Variants in MPDZ observed in about 807,000 individuals in gnomAD.
MPDZ encodes the protein multiple PDZ domain protein.
MPDZ carries 234 observed loss-of-function variants against 239.1 expected under a neutral mutation model. The observed-to-expected ratio is 0.98, with a 90% CI of 0.88 to 1.09. The LOEUF is 1.09. Ranked by LOEUF, MPDZ falls within the 50% of genes least tolerant of loss-of-function variation. The pLI, the probability that MPDZ is intolerant of heterozygous loss-of-function variation, is 0.00. For synonymous variants in MPDZ, 1,048 were observed against 881.3 expected (o/e 1.19, Z -3.35); for missense variants, 3,175 against 2,510.0 (o/e 1.26, Z -5.66).
At position 13,106,629 on chromosome 9, in the gene MPDZ, T is replaced by G. The variant is rs1586825821; in HGVS notation, c.*336A>C. 5.4e-6 allele frequency: 1 copy of G among 183,810 alleles called. No individual in the cohort carries two copies. Among genetic ancestry groups the G allele is most frequent in the African/African-American group, 2.3e-5 (1 of 42,724 alleles). 11.4% of individuals were successfully genotyped at this position (183,810 alleles called of 1,614,324 possible). On this transcript the variant is annotated 3_prime_UTR_variant, in exon 47 of 47. Transcript: ENST00000319217. ...TGAAGCCATTTTCTTTGGTTAGCTT[T>G]AGAATTATCTTTCTTTATACTAACC...
At chr9:13,219,501 T>C in intron 8 of MPDZ, 58 bp downstream of exon 8, 1 of 1,455,108 alleles carries the variant, frequency 6.9e-7, no homozygotes, top group Middle Eastern at 1.8e-4. Context: ...TAAACATCAC[T>C]GTCGTCATCT....
At chr9:13,128,035 A>T (rs1945373034) in intron 32 of MPDZ, among the ~76,000 whole-genome samples, 1 of 152,012 alleles carries the variant, frequency 6.6e-6, no homozygotes, top group African/African-American at 2.4e-5. Context: ...CCCCTCTATA[A>T]AAATTGATTT....
At chr9:13,236,249 G>GTATATATATATATA (rs1172287952) in intron 3 of MPDZ, among the ~76,000 whole-genome samples, 5 of 35,846 alleles carry the variant, frequency 1.4e-4, no homozygotes, top group Admixed American at 5.2e-4. Context: ...GTGTGTGTGT[G>GTATATATATATATA]TATATATATA....
At chr9:13,137,354 C>T (rs1469425839) in intron 29 of MPDZ, among the ~76,000 whole-genome samples, 4 of 152,104 alleles carry the variant, frequency 2.6e-5, no homozygotes, top group Non-Finnish European at 5.9e-5. Context: ...CCTGACTGAG[C>T]CTCCTGTGTC....
Position 13,111,945 on chromosome 9 carries a change from C to T in MPDZ, c.5724+79G>A, listed in dbSNP as rs987791564. 8 of 1,472,102 alleles carry T rather than the reference C, an allele frequency of 5.4e-6. No individual in the cohort carries two copies. In the African/African-American group the frequency reaches 1.1e-4, roughly 21 times the overall value. The allele number at this position is 1,472,102 out of a possible 1,614,324, so 91.2% of individuals were successfully genotyped here. A position where few individuals can be genotyped will look rare whatever the true frequency, so the allele number is the denominator to read the frequency against. ...ATAGATATTTAAAACTGCCTTGCAACAGGTAGCCAGGTTCAAAGGTTTATA... is the reference window on the plus strand; with the variant it reads ...ATAGATATTTAAAACTGCCTTGCAATAGGTAGCCAGGTTCAAAGGTTTATA... On this transcript the variant is annotated intron_variant, in intron 43 of 46. Coordinates refer to ENST00000319217, the MANE Select transcript of MPDZ (RefSeq NM_001378778.1).
chr9:13,129,953 T>C (rs1945714536), intron 32 of MPDZ, among the ~76,000 whole-genome samples: 1 of 152,264 alleles, frequency 6.6e-6, no homozygotes, highest in South Asian at 2.1e-4. Context: ...TTAATATTAT[T>C]TGGAGAATTA....
At chr9:13,249,850 T>C (rs1270315370) in intron 2 of MPDZ, among the ~76,000 whole-genome samples, 1 of 152,218 alleles carries the variant, frequency 6.6e-6, no homozygotes, top group African/African-American at 2.4e-5. Flanking sequence ...TTAAACTGCC[T>C]TAAAGCATAA....
chr9:13,210,484 T>C (rs765328939), intron 10 of MPDZ, among the ~76,000 whole-genome samples: 1 of 151,966 alleles, frequency 6.6e-6, no homozygotes, highest in African/African-American at 2.4e-5. Context: ...TATTTCCCCC[T>C]TGACTTCAAG....
intron 1 of MPDZ, chr9:13,274,668 T>C (rs559954259): frequency 6.6e-6 from 1 of 152,134 alleles, no homozygotes; most frequent in Admixed American, 6.5e-5. Context: ...TCCCTTTTAT[T>C]AATCATATTT....
intron 2 of MPDZ, among the ~76,000 whole-genome samples, chr9:13,249,099 T>C (rs1214034569): frequency 8.3e-6 from 1 of 119,932 alleles, no homozygotes; most frequent in Non-Finnish European, 1.9e-5. Flanking sequence ...ATGTTGATCA[T>C]GGGTTCACAC....
Position 13,183,576 on chromosome 9 carries a change from T to C in MPDZ, c.2491A>G (p.Asn831Asp), listed in dbSNP as rs1304674295. 1.2e-6 allele frequency: 2 copies of C among 1,612,194 alleles called. No individual in the cohort carries two copies. Among genetic ancestry groups the C allele is most frequent in the South Asian group, 2.2e-5 (2 of 91,006 alleles). The change falls in exon 19 of 47, where the codon AAT becomes GAT. Residue 831 changes from asparagine (N) to aspartate (D), a missense_variant. Physicochemically the swap from Asn to Asp is conservative, Grantham distance 23. Coordinates refer to ENST00000319217, the MANE Select transcript of MPDZ (RefSeq NM_001378778.1). ...FRADLALVGT[N>D]DADLVDESTF... Reference sequence around the variant, plus strand: ...GATTCATCTACTAAGTCAGCATCATTTGTGCCCACCTAGAAACAAAACAAT... The same window carrying C: ...GATTCATCTACTAAGTCAGCATCATCTGTGCCCACCTAGAAACAAAACAAT...
intron 26 of MPDZ, among the ~76,000 whole-genome samples, chr9:13,145,857 T>C (rs1455407751): frequency 1.3e-5 from 2 of 151,944 alleles, no homozygotes; most frequent in South Asian, 2.1e-4. Context: ...TAAAGCAATA[T>C]TGAGAATCAC....
Position 13,127,866 on chromosome 9 carries a change from C to CA in MPDZ, c.4465-1095dup, listed in dbSNP as rs1220737840. 3.3e-5 allele frequency among the ~76,000 whole-genome samples: 5 copies of CA among 152,124 alleles called. No individual in the cohort carries two copies. In the East Asian group the frequency reaches 9.6e-4, roughly 29 times the overall value. ...CCTAACTATAGAAATTTGGATATGC[C>CA]ACTTAACATCTCTAATTCTCAATTT... On this transcript the variant is annotated intron_variant, in intron 32 of 46. Coordinates refer to ENST00000319217, the MANE Select transcript of MPDZ (RefSeq NM_001378778.1).
At chr9:13,167,133 T>C (rs1951175536) in intron 22 of MPDZ, among the ~76,000 whole-genome samples, 1 of 152,110 alleles carries the variant, frequency 6.6e-6, no homozygotes, top group Non-Finnish European at 1.5e-5. Flanking sequence ...CTGCGATAAA[T>C]ACATAGTCTC....
intron 7 of MPDZ, 27 bp downstream of exon 7, chr9:13,221,345 C>A: frequency 1.3e-6 from 2 of 1,570,192 alleles, no homozygotes; most frequent in Non-Finnish European, 1.7e-6. Flanking sequence ...GATAAAATAG[C>A]ATAAAAGATC....
intron 32 of MPDZ, among the ~76,000 whole-genome samples, chr9:13,128,902 TCACA>T (rs1355151064): frequency 6.6e-6 from 1 of 152,040 alleles, no homozygotes; most frequent in African/African-American, 2.4e-5. Flanking sequence ...TGGCACAGTG[TCACA>T]CAGACAGGGA....
intron 32 of MPDZ, among the ~76,000 whole-genome samples, chr9:13,127,117 T>G (rs1945236363): frequency 6.6e-6 from 1 of 152,206 alleles, no homozygotes; most frequent in African/African-American, 2.4e-5. Context: ...ACTGAATAAG[T>G]CATTCAAAAC....
Position 13,175,809 on chromosome 9 carries a change from C to T in MPDZ, c.2998G>A (p.Val1000Ile), listed in dbSNP as rs367856903. 10 of 1,583,670 alleles carry T rather than the reference C, an allele frequency of 6.3e-6. No homozygotes were observed. Among genetic ancestry groups the T allele is most frequent in the Middle Eastern group, 1.7e-4 (1 of 6,050 alleles). ...GTCCTTTCAAAAGATTCTTTAGATA[C>T]ATTTTGAAGCATGACACACTCAGCA... is the stretch of plus-strand genomic sequence containing the variant. ...CNAECVMLQNVSKESFERTIN... is the reference protein window; with the variant it reads ...CNAECVMLQNISKESFERTIN... Residue 1000 changes from valine (V) to isoleucine (I), a missense_variant, in exon 21 of 47, where the codon GTA becomes ATA. Val to Ile is a conservative substitution (Grantham distance 29). Transcript: ENST00000319217.
At chr9:13,240,580 TAAAAAAAAAAAAAA>T (rs71331533) in intron 3 of MPDZ, among the ~76,000 whole-genome samples, 1 of 44,012 alleles carries the variant, frequency 2.3e-5, no homozygotes, top group Non-Finnish European at 3.6e-5. Flanking sequence ...ATAATAAAAG[TAAAAAAAAAAAAAA>T]AAAAAAAAAA....
Sources: gnomAD v4.1 joint callset for allele counts (sites outside exome capture counted in the v4.1 genomes callset) on GRCh38, gnomAD v4.1.1 for gene constraint, MANE v1.5 for transcripts, NCBI Gene and HGNC (gene_info 2026-07-23, HGNC 2026-07-21) for gene names.